SYNE3: variants seen among roughly 807,000 people sequenced by gnomAD.
The protein encoded by SYNE3 is nesprin-3.
In SYNE3, 100 loss-of-function variants were observed where a neutral mutation model predicts 111.2. That is an observed-to-expected ratio of 0.90 (90% CI 0.77 to 1.06). SYNE3 has a LOEUF of 1.06. Ranked by LOEUF, SYNE3 falls within the 50% of genes least tolerant of loss-of-function variation. The pLI, the probability that SYNE3 is intolerant of heterozygous loss-of-function variation, is 0.00. For missense variants in SYNE3, 1,160 were observed against 1,240.3 expected (o/e 0.94, Z 0.97); for synonymous variants, 547 against 533.9 (o/e 1.02, Z -0.34).
rs1466861350 is a variant in SYNE3 at position 95,412,811 on chromosome 14, G to T, written c.*5015C>A. 6.6e-6 allele frequency: 1 copy of T among 152,196 alleles called. No individual in the cohort carries two copies. The highest frequency in any genetic ancestry group is 2.4e-5 in the African/African-American group (1 of 41,434). The allele number at this position is 152,196 out of a possible 1,614,324, so 9.4% of individuals were successfully genotyped here. A position where few individuals can be genotyped will look rare whatever the true frequency, so the allele number is the denominator to read the frequency against. ...AGCATGTTTTTCCAGGAAGAATACT[G>T]TATGGGGAGCAAAACCAACATAGAG... On this transcript the variant is annotated 3_prime_UTR_variant, in exon 18 of 18. Transcript: ENST00000682763.
chr14:95,467,579 G>A (rs1382645674), intron 3 of SYNE3, among the ~76,000 whole-genome samples: 3 of 152,212 alleles, frequency 2.0e-5, no homozygotes, highest in Non-Finnish European at 4.4e-5. Context: ...AGGAATTGTT[G>A]ACAAAACACG....
At chr14:95,459,237 GA>G (rs1224861191) in intron 4 of SYNE3, among the ~76,000 whole-genome samples, 1 of 152,168 alleles carries the variant, frequency 6.6e-6, no homozygotes, top group East Asian at 1.9e-4. Context: ...CACACATCAA[GA>G]AATATTTGGC....
At chr14:95,436,243 A>C (rs1187269091) in intron 15 of SYNE3, among the ~76,000 whole-genome samples, 1 of 152,146 alleles carries the variant, frequency 6.6e-6, no homozygotes, top group Non-Finnish European at 1.5e-5. Flanking sequence ...CAGGGGAATT[A>C]ATGTTATGCT....
chr14:95,437,949 G>T (rs1188373457), intron 14 of SYNE3: 1 of 152,252 alleles, frequency 6.6e-6, no homozygotes, highest in African/African-American at 2.4e-5. Flanking sequence ...GCTCACAGAG[G>T]TGAGTATCTC....
intron 11 of SYNE3, among the ~76,000 whole-genome samples, chr14:95,440,674 A>G (rs970609985): frequency 2.6e-5 from 4 of 152,386 alleles, no homozygotes; most frequent in African/African-American, 9.6e-5. Context: ...GGCCAGGCAC[A>G]AAAGAAAACA....
intron 1 of SYNE3, among the ~76,000 whole-genome samples, chr14:95,494,307 T>C (rs1889985834): frequency 6.6e-6 from 1 of 152,142 alleles, no homozygotes; most frequent in Admixed American, 6.5e-5. Flanking sequence ...GGAGCAATGA[T>C]TCTTATGAAG....
Position 95,485,947 on chromosome 14 carries a change from G to C in SYNE3, c.-14-10112C>G, listed in dbSNP as rs1399392689. On this transcript the variant is annotated intron_variant, in intron 1 of 17. Transcript: ENST00000682763. This position sits in a 1 kb window ranked among gnomAD's most constrained non-coding sequence, Gnocchi z 4.3. ...GATTTGGGACAAGGGTCAGGGGAGGGACAGAGGTGCAGACAGCAGCCTGCA... is the reference window on the plus strand; with the variant it reads ...GATTTGGGACAAGGGTCAGGGGAGGCACAGAGGTGCAGACAGCAGCCTGCA... Among the ~76,000 whole-genome samples the C allele has an allele frequency of 6.6e-6, 1 of 152,104 alleles. No individual in the cohort carries two copies.
At chr14:95,445,834 G>T in intron 9 of SYNE3, 75 bp downstream of exon 9, 3 of 1,511,098 alleles carry the variant, frequency 2.0e-6, no homozygotes, top group Non-Finnish European at 1.8e-6. Flanking sequence ...AGAACATAAG[G>T]CCATCTGCCT....
chr14:95,417,468 C>A lies in SYNE3; in HGVS notation c.*358G>T, dbSNP rs192297457. 257 of 312,902 alleles carry A rather than the reference C, an allele frequency of 8.2e-4. No homozygotes were observed. The highest frequency in any genetic ancestry group is 1.1e-3 in the Non-Finnish European group (184 of 161,858). 19.4% of individuals were successfully genotyped at this position (312,902 alleles called of 1,614,324 possible). On this transcript the variant is annotated 3_prime_UTR_variant, in exon 18 of 18. Coordinates refer to ENST00000682763, the MANE Select transcript of SYNE3 (RefSeq NM_152592.6). ...TGTTCTTGCTTTCTAGGGTTGACTG[C>A]AGACCAAGTCAACAATACCACAAAA... is the stretch of plus-strand genomic sequence containing the variant.
intron 1 of SYNE3, among the ~76,000 whole-genome samples, chr14:95,489,450 C>T (rs553667618): frequency 1.3e-5 from 2 of 152,354 alleles, no homozygotes; most frequent in African/African-American, 4.8e-5. Context: ...CTCATTTGAA[C>T]ATAAACTGCC....
Position 95,500,894 on chromosome 14 carries a change from G to A in SYNE3, c.-15+15702C>T, listed in dbSNP as rs1890311059. Among the ~76,000 whole-genome samples the A allele has an allele frequency of 6.6e-6, 1 of 152,146 alleles. No individual in the cohort carries two copies. ...GGGATCGGGGGCGGTGAAGCGGGAG[G>A]GACACACGCTTGCTTCCCACACCAG... On this transcript the variant is annotated intron_variant, in intron 1 of 17. Coordinates refer to ENST00000682763, the MANE Select transcript of SYNE3 (RefSeq NM_152592.6). This position sits in a 1 kb window ranked among gnomAD's most constrained non-coding sequence, Gnocchi z 4.7.
At chr14:95,487,204 C>T (rs963387812) in intron 1 of SYNE3, among the ~76,000 whole-genome samples, 24 of 152,242 alleles carry the variant, frequency 1.6e-4, no homozygotes, top group African/African-American at 5.5e-4. Flanking sequence ...CTTCTCCTTT[C>T]TTTGGGTCCC....
At chr14:95,513,701 G>T (rs539742209) in intron 1 of SYNE3, among the ~76,000 whole-genome samples, 71 of 134,162 alleles carry the variant, frequency 5.3e-4, no homozygotes, top group Non-Finnish European at 7.8e-4. Flanking sequence ...GCTGCTCCTG[G>T]GTTCCTATCT....
intron 4 of SYNE3, 54 bp from the exon 5 acceptor site, chr14:95,457,392 A>G (rs1887533485): frequency 6.3e-7 from 1 of 1,587,086 alleles, no homozygotes; most frequent in Admixed American, 1.7e-5. Flanking sequence ...AGACAGCCCA[A>G]AGGCCAGAAA....
At position 95,408,703 on chromosome 14, in the gene SYNE3, A is replaced by ACCCCTCCCC; in HGVS notation, c.*9122_*9123insGGGGAGGGG. 1 of 77,130 alleles carries ACCCCTCCCC rather than the reference A, an allele frequency of 1.3e-5. No homozygotes were observed. The allele number at this position is 77,130 out of a possible 1,614,324, so 4.8% of individuals were successfully genotyped here. Reference sequence around the variant, plus strand: ...GCTCACATACGCGTGCATCCCTCCCACCCTGCCCACCCCTTCACATGCACA... The same window carrying ACCCCTCCCC: ...GCTCACATACGCGTGCATCCCTCCCACCCCTCCCCCCCTGCCCACCCCTTCACATGCACA... On this transcript the variant is annotated 3_prime_UTR_variant, in exon 18 of 18. Transcript: ENST00000682763.
At chr14:95,418,415 A>G (rs897211203) in intron 17 of SYNE3, among the ~76,000 whole-genome samples, 1 of 152,152 alleles carries the variant, frequency 6.6e-6, no homozygotes, top group Non-Finnish European at 1.5e-5. Context: ...TGAGGATCCA[A>G]TGAGGCAGAG....
chr14:95,451,998 G>T, intron 7 of SYNE3: 1 of 352,378 alleles, frequency 2.8e-6, no homozygotes, highest in South Asian at 8.1e-5. Context: ...AGTCATGATA[G>T]GATGGGTGGC....
intron 2 of SYNE3, among the ~76,000 whole-genome samples, chr14:95,473,499 C>T (rs932906399): frequency 3.9e-5 from 6 of 151,952 alleles, no homozygotes; most frequent in Non-Finnish European, 4.4e-5. Flanking sequence ...AGGAGGGTTT[C>T]ATTTCTTGTG....
chr14:95,419,049 C>G (rs1884923220), intron 17 of SYNE3, among the ~76,000 whole-genome samples: 1 of 152,234 alleles, frequency 6.6e-6, no homozygotes. Context: ...TAATGGACTT[C>G]TCTGCTACAA....
Sources: allele counts gnomAD v4.1 joint callset (sites outside exome capture counted in the v4.1 genomes callset), GRCh38; gene constraint gnomAD v4.1.1; non-coding constraint Gnocchi (gnomAD v3.1); transcripts MANE v1.5; gene names NCBI Gene and HGNC (gene_info 2026-07-23, HGNC 2026-07-21).